PRR35: variants seen among roughly 807,000 people sequenced by gnomAD.
PRR35 encodes the protein proline rich 35.
In PRR35, 14 loss-of-function variants were observed where a neutral mutation model predicts 18.6. The observed-to-expected ratio is 0.75, with a 90% CI of 0.50 to 1.18. The LOEUF is 1.18. Ranked by LOEUF, PRR35 falls within the 50% of genes most tolerant of loss-of-function variation. The probability of loss-of-function intolerance (pLI) is 0.00; values close to 1 mark genes in which losing one functional copy is unlikely to be tolerated. For synonymous variants in PRR35, 425 were observed against 378.2 expected, an observed-to-expected ratio of 1.12 and a Z score of -1.43; for missense variants, 832 against 792.2, an observed-to-expected ratio of 1.05 and a Z score of -0.60.
rs1276694553 is a variant in PRR35, at chr16:563,634, C to A, written c.340C>A (p.Pro114Thr). 4 of 1,581,712 alleles carry A rather than the reference C, an allele frequency of 2.5e-6. No homozygotes were observed. In the African/African-American group the frequency reaches 4.0e-5, roughly 16 times the overall value. Residue 114 changes from proline (P) to threonine (T), a missense_variant, in exon 2 of 3, where the codon CCT (proline) becomes ACT (threonine). Physicochemically the swap from Pro to Thr is conservative, Grantham distance 38 (BLOSUM62 -1). Coordinates refer to ENST00000409413, the MANE Select transcript of PRR35 (RefSeq NM_145270.3). ...ACGGCCCACAGGTGCTGCCCCCGCGCCTGACCTCGTGGTCGCCGACATCCA... is the reference window on the plus strand; with the variant it reads ...ACGGCCCACAGGTGCTGCCCCCGCGACTGACCTCGTGGTCGCCGACATCCA... ...GARPTGAAPA[P>T]DLVVADIHSL...
chr16:560,590 G>A lies in PRR35; in HGVS notation c.-111G>A. The A allele has an allele frequency of 1.0e-6, 1 of 983,312 alleles. No homozygotes were observed. The highest frequency in any genetic ancestry group is 1.2e-6 in the Non-Finnish European group (1 of 829,154). 60.9% of individuals were successfully genotyped at this position (983,312 alleles called of 1,614,324 possible). ...TCCGAGTCGCGGCCGGCGCGGGGCG[G>A]GGAGGGGCGGGAAGTTTGCGCCCTA... is the stretch of plus-strand genomic sequence containing the variant. On this transcript the variant is annotated 5_prime_UTR_variant, in exon 1 of 3. Coordinates refer to ENST00000409413, the MANE Select transcript of PRR35 (RefSeq NM_145270.3).
rs747711705 is a variant in PRR35 at position 565,064 on chromosome 16, C to T, written c.1473C>T (p.Pro491=). The T allele has an allele frequency of 1.2e-5, 19 of 1,593,338 alleles. No individual in the cohort carries two copies. Among genetic ancestry groups the T allele is most frequent in the African/African-American group, 9.4e-5 (7 of 74,250 alleles). Residue 491 remains proline, a synonymous_variant, in exon 3 of 3, where the codon CCC becomes CCT. Transcript: ENST00000409413. ...CGTGGGGGCGGCCCGAGCTGGGTCC[C>T]GTGTTGACCGGGGGCACCCCCGAGC... ...GEAWGRPELG[P]VLTGGTPEPP...
intron 1 of PRR35, 105 bp downstream of exon 1, chr16:560,766 G>A: frequency 1.1e-6 from 1 of 894,652 alleles, no homozygotes; most frequent in Non-Finnish European, 1.3e-6. Context: ...GGGCGCGGGG[G>A]GCGGCCGGGT....
Position 563,301 on chromosome 16 carries a change from C to T in PRR35, c.7C>T (p.Arg3Trp), listed in dbSNP as rs374214016. Reference protein sequence around the residue: MSREAGSCRVGTG... With the variant: MSWEAGSCRVGTG... Reference sequence around the variant, plus strand: ...TGCCTCATAGCAGGCTGCCATGTCGCGGGAGGCGGGCTCATGCCGCGTGGG... The same window carrying T: ...TGCCTCATAGCAGGCTGCCATGTCGTGGGAGGCGGGCTCATGCCGCGTGGG... Residue 3 changes from arginine to tryptophan, a missense_variant, in exon 2 of 3, where the codon CGG becomes TGG. Physicochemically the swap from Arg to Trp is moderately radical, Grantham distance 101 (BLOSUM62 -3). Transcript: ENST00000409413. 33 of 1,604,738 alleles carry T rather than the reference C, an allele frequency of 2.1e-5. No homozygotes were observed. In the South Asian group the frequency reaches 2.1e-4, roughly 10 times the overall value.
In PRR35 at chr16:565,080, AC is replaced by A. The variant is rs2035513078; in HGVS notation, c.1494del (p.Glu499SerfsTer142). 6.3e-7 allele frequency: 1 copy of A among 1,590,482 alleles called. No individual in the cohort carries two copies. Among genetic ancestry groups the A allele is most frequent in the Admixed American group, 1.7e-5 (1 of 57,864 alleles). On this transcript the variant is annotated frameshift_variant, in exon 3 of 3. Coordinates refer to ENST00000409413, the MANE Select transcript of PRR35 (RefSeq NM_145270.3). LOFTEE classifies it low-confidence loss of function (END_TRUNC). ...GCTGGGTCCCGTGTTGACCGGGGGC[AC>A]CCCCGAGCCACCCGGCATGCTGGGC... ...PELGPVLTGG[T>X]PEPPGMLGPA...
Position 563,239 on chromosome 16 carries a change from T to G in PRR35, c.-39-17T>G, listed in dbSNP as rs2035470288. ...AGTCAGAGGCAGGCTTGGCACTGAC[T>G]GTGGCCCCATCTACAGGTGGCCATG... On this transcript the variant is annotated splice_polypyrimidine_tract_variant and intron_variant, in intron 1 of 2. Coordinates refer to ENST00000409413, the MANE Select transcript of PRR35 (RefSeq NM_145270.3). The G allele has an allele frequency of 6.6e-7, 1 of 1,520,660 alleles. No individual in the cohort carries two copies. Among genetic ancestry groups the G allele is most frequent in the African/African-American group, 1.4e-5 (1 of 73,290 alleles). 94.2% of individuals were successfully genotyped at this position (1,520,660 alleles called of 1,614,324 possible).
At chr16:562,419 C>G (rs192962312) in intron 1 of PRR35, among the ~76,000 whole-genome samples, 1 of 150,708 alleles carries the variant, frequency 6.6e-6, no homozygotes, top group East Asian at 1.9e-4. Flanking sequence ...TAGACACACA[C>G]GCATACACAC....
chr16:563,635 C>G lies in PRR35; in HGVS notation c.341C>G (p.Pro114Arg), dbSNP rs1469432659. 1.9e-6 allele frequency: 3 copies of G among 1,581,422 alleles called. No individual in the cohort carries two copies. The highest frequency in any genetic ancestry group is 2.6e-6 in the Non-Finnish European group (3 of 1,170,154). ...GARPTGAAPA[P>R]DLVVADIHSL... Reference sequence around the variant, plus strand: ...CGGCCCACAGGTGCTGCCCCCGCGCCTGACCTCGTGGTCGCCGACATCCAC... The same window carrying G: ...CGGCCCACAGGTGCTGCCCCCGCGCGTGACCTCGTGGTCGCCGACATCCAC... Residue 114 changes from proline to arginine, a missense_variant, in exon 2 of 3, where the codon CCT (proline) becomes CGT (arginine). Around this residue, in one of 3 missense-constraint regions of PRR35, gnomAD observed 768 missense variants for 704.1 expected, o/e 1.09. Transcript: ENST00000409413.
chr16:563,062 A>AGGGTGG (rs1472832115), intron 1 of PRR35, among the ~76,000 whole-genome samples, 194 bp from the exon 2 acceptor site: 64 of 126,738 alleles, frequency 5.0e-4, no homozygotes, highest in South Asian at 1.1e-3. Flanking sequence ...GGTGCCCTGG[A>AGGGTGG]CTTTGCTGCC....
chr16:562,544 C>T (rs549265176), intron 1 of PRR35, among the ~76,000 whole-genome samples: 167 of 151,578 alleles, frequency 1.1e-3, no homozygotes, highest in African/African-American at 3.9e-3. Context: ...TGCACACACA[C>T]GCACATGCAC....
At chr16:560,694 T>C (rs1211917277) in intron 1 of PRR35, 33 bp downstream of exon 1, 4 of 980,752 alleles carry the variant, frequency 4.1e-6, no homozygotes, top group Admixed American at 6.2e-5. Flanking sequence ...GGGCGGCCAG[T>C]TGGGCGTCGC....
intron 1 of PRR35, 55 bp from the exon 2 acceptor site, chr16:563,201 G>A: frequency 1.4e-6 from 2 of 1,420,856 alleles, no homozygotes; most frequent in Non-Finnish European, 1.9e-6. Flanking sequence ...TGGATGGAGA[G>A]GAGTGGGGAG....
chr16:561,160 G>C (rs62034768), intron 1 of PRR35, among the ~76,000 whole-genome samples: 1 of 152,190 alleles, frequency 6.6e-6, no homozygotes, highest in African/African-American at 2.4e-5. Flanking sequence ...GTGTGAGTGC[G>C]TATGCGTTTG....
At chr16:564,474 T>C in intron 2 of PRR35, 98 bp downstream of exon 2, 1 of 1,485,182 alleles carries the variant, frequency 6.7e-7, no homozygotes, top group Admixed American at 2.1e-5. Context: ...GGGTCCGTCC[T>C]GAGCTCAGTC....
At position 564,010 on chromosome 16, in the gene PRR35, C is replaced by T; in HGVS notation, c.716C>T (p.Ala239Val). 2 of 1,596,338 alleles carry T rather than the reference C, an allele frequency of 1.3e-6. No individual in the cohort carries two copies. The highest frequency in any genetic ancestry group is 1.7e-6 in the Non-Finnish European group (2 of 1,174,538). Residue 239 changes from alanine to valine, a missense_variant, in exon 2 of 3, where the codon GCC becomes GTC. By Grantham distance (64) the Ala-to-Val change is moderately conservative. Around this residue, in one of 3 missense-constraint regions of PRR35, gnomAD observed 768 missense variants for 704.1 expected, o/e 1.09. Coordinates refer to ENST00000409413, the MANE Select transcript of PRR35 (RefSeq NM_145270.3). ...GCCCATGTGCCCTTCCTGGCCTCGG[C>T]CAGCCCCCTGCTGCCCCCGGCCACG... ...AAAHVPFLAS[A>V]SPLLPPATAF...
chr16:564,070 C>T lies in PRR35; in HGVS notation c.776C>T (p.Thr259Ile). Residue 259 changes from threonine (T) to isoleucine (I), a missense_variant, in exon 2 of 3, where the codon ACC becomes ATC. Transcript: ENST00000409413. ...FPAVQPPQRP[T>I]PAPRLYYPLL... is the part of the protein sequence containing the mutation. ...GCCGTGCAGCCCCCTCAGCGCCCCACCCCGGCCCCCCGCCTGTACTACCCG... is the reference window on the plus strand; with the variant it reads ...GCCGTGCAGCCCCCTCAGCGCCCCATCCCGGCCCCCCGCCTGTACTACCCG... 3.2e-6 allele frequency: 5 copies of T among 1,547,516 alleles called. No homozygotes were observed. Among genetic ancestry groups the T allele is most frequent in the Non-Finnish European group, 3.5e-6 (4 of 1,151,808 alleles).
chr16:564,120 C>T lies in PRR35; in HGVS notation c.826C>T (p.Leu276=). Reference sequence around the variant, plus strand: ...GCTGCTTCTGGAGCACACTCTGGGGCTGCCAGCAGGCAAAGCTGCCCTTGC... The same window carrying T: ...GCTGCTTCTGGAGCACACTCTGGGGTTGCCAGCAGGCAAAGCTGCCCTTGC... ...YPLLLEHTLG[L]PAGKAALAKA... is the part of the protein sequence containing the mutation. The change falls in exon 2 of 3, where the codon CTG becomes TTG. Residue 276 remains leucine (L), a synonymous_variant. Coordinates refer to ENST00000409413, the MANE Select transcript of PRR35 (RefSeq NM_145270.3). 1 of 1,574,874 alleles carries T rather than the reference C, an allele frequency of 6.3e-7. No homozygotes were observed. Among genetic ancestry groups the T allele is most frequent in the South Asian group, 1.1e-5 (1 of 87,062 alleles).
In PRR35 at chr16:565,134, C is replaced by T; in HGVS notation, c.1543C>T (p.His515Tyr). 6.2e-7 allele frequency: 1 copy of T among 1,606,808 alleles called. No homozygotes were observed. Among genetic ancestry groups the T allele is most frequent in the Non-Finnish European group, 8.5e-7 (1 of 1,176,732 alleles). The stretch of plus-strand genomic sequence containing the variant: ...TGCAGCGCCCCAACCCTTCTCTGGC[C>T]ACACCACCAAGTGTGAGGCCGACTC... ...GPAAPQPFSG[H>Y]TTKCEADSSV... Residue 515 changes from histidine to tyrosine, a missense_variant, in exon 3 of 3, where the codon CAC becomes TAC. His to Tyr is a moderately conservative substitution (Grantham distance 83). Around this residue, in one of 3 missense-constraint regions of PRR35, gnomAD observed 768 missense variants for 704.1 expected, o/e 1.09. Coordinates refer to ENST00000409413, the MANE Select transcript of PRR35 (RefSeq NM_145270.3).
chr16:561,814 G>A, intron 1 of PRR35: 1 of 984,740 alleles, frequency 1.0e-6, no homozygotes, highest in Non-Finnish European at 1.2e-6. Context: ...GTGTCCTGGG[G>A]AGTCGGTGTG....
Sources: gnomAD v4.1 joint callset for allele counts (sites outside exome capture counted in the v4.1 genomes callset) on GRCh38, gnomAD v4.1.1 for gene constraint, gnomAD v4.1.1 regional missense constraint, MANE v1.5 for transcripts, NCBI Gene and HGNC (gene_info 2026-07-23, HGNC 2026-07-21) for gene names.